Variants in WDFY2 observed in about 807,000 individuals in gnomAD.
WDFY2 encodes WD repeat and FYVE domain containing 2.
WDFY2 carries 36 observed loss-of-function variants against 56.4 expected under a neutral mutation model. The ratio of observed to expected loss-of-function variants is 0.64; its 90% CI spans 0.49 to 0.84. The LOEUF is 0.84. Among genes scored for constraint, WDFY2 ranks in the 40% least tolerant of loss-of-function variants. The pLI is 0.00. For synonymous variants in WDFY2, 176 were observed against 183.7 expected (o/e 0.96, Z 0.34); for missense variants, 444 against 512.2 (o/e 0.87, Z 1.29).
rs536706520 is a variant in WDFY2 at position 51,765,986 on chromosome 13, C to T, written c.*6217C>T. ...TATGATTCTTTTTTCCCTTGGTTCT[C>T]GGGGATGCATGAGAAGGTGAGCTGT... On this transcript the variant is annotated 3_prime_UTR_variant, in exon 12 of 12. Coordinates refer to ENST00000298125, the MANE Select transcript of WDFY2 (RefSeq NM_052950.4). The T allele has an allele frequency of 5.3e-5, 8 of 151,694 alleles. No homozygotes were observed. The highest frequency in any genetic ancestry group is 3.9e-4 in the East Asian group (2 of 5,164). 9.4% of individuals were successfully genotyped at this position (151,694 alleles called of 1,614,324 possible).
chr13:51,708,577 TAATTA>T (rs1438927186), intron 4 of WDFY2, among the ~76,000 whole-genome samples: 1 of 130,936 alleles, frequency 7.6e-6, no homozygotes, highest in Non-Finnish European at 1.8e-5. Context: ...AATTCCCAAT[TAATTA>T]AAAAAAAAAA....
intron 1 of WDFY2, among the ~76,000 whole-genome samples, chr13:51,620,530 T>C (rs1299823441): frequency 1.3e-5 from 2 of 152,074 alleles, no homozygotes; most frequent in African/African-American, 4.8e-5. Flanking sequence ...GAAACCTTTG[T>C]AGTGGCATTA....
intron 3 of WDFY2, among the ~76,000 whole-genome samples, chr13:51,680,640 A>G (rs537003251): frequency 1.1e-4 from 17 of 152,216 alleles, no homozygotes; most frequent in South Asian, 4.1e-4. Flanking sequence ...AGTTTTCTCA[A>G]TGTGAGACAT....
chr13:51,643,829 C>T lies in WDFY2; in HGVS notation c.138-16767C>T, dbSNP rs370445897. ...CTGTATTTATATGACCTTTTAAAAG[C>T]ACTTCCTGTATGCTAAATACTGTAT... On this transcript the variant is annotated intron_variant, in intron 1 of 11. Coordinates refer to ENST00000298125, the MANE Select transcript of WDFY2 (RefSeq NM_052950.4). Among the ~76,000 whole-genome samples, 18 of 152,124 alleles carry T rather than the reference C, an allele frequency of 1.2e-4. No homozygotes were observed. The East Asian group carries it at 2.9e-3, about 24-fold the overall frequency.
chr13:51,756,617 A>G (rs1953391106), intron 10 of WDFY2, 155 bp downstream of exon 10: 83 of 985,098 alleles, frequency 8.4e-5, no homozygotes, highest in Non-Finnish European at 9.9e-5. Flanking sequence ...TTTGCCACCA[A>G]GAGATTTGTG....
chr13:51,650,604 T>C (rs530876306), intron 1 of WDFY2, among the ~76,000 whole-genome samples: 13 of 152,312 alleles, frequency 8.5e-5, no homozygotes, highest in African/African-American at 3.1e-4. Flanking sequence ...ACCTAATTTA[T>C]TGAGAGTTTT....
chr13:51,685,100 T>A (rs1956039639), intron 3 of WDFY2, among the ~76,000 whole-genome samples: 1 of 152,188 alleles, frequency 6.6e-6, no homozygotes, highest in Non-Finnish European at 1.5e-5. Context: ...GATGTTCTCC[T>A]TCACTGACCT....
intron 1 of WDFY2, among the ~76,000 whole-genome samples, chr13:51,637,687 G>A (rs1011763285): frequency 3.3e-5 from 5 of 152,090 alleles, no homozygotes; most frequent in African/African-American, 1.2e-4. Flanking sequence ...AGACAGAGTA[G>A]GGCATTCCTG....
At chr13:51,629,986 C>A (rs1954920895) in intron 1 of WDFY2, among the ~76,000 whole-genome samples, 1 of 152,048 alleles carries the variant, frequency 6.6e-6, no homozygotes, top group Non-Finnish European at 1.5e-5. Context: ...ACTACTTCTT[C>A]TTTGATCTTA....
At chr13:51,746,024 T>G (rs1722536412) in intron 7 of WDFY2, among the ~76,000 whole-genome samples, 1 of 142,834 alleles carries the variant, frequency 7.0e-6, no homozygotes, top group African/African-American at 2.6e-5. Context: ...TCCCCCAGGC[T>G]GGAGTGCAAT....
At chr13:51,681,062 A>C (rs772069199) in intron 3 of WDFY2, among the ~76,000 whole-genome samples, 1 of 152,224 alleles carries the variant, frequency 6.6e-6, no homozygotes, top group African/African-American at 2.4e-5. Context: ...ACCGTGGATT[A>C]TAACGAGCCT....
chr13:51,662,016 G>A (rs1593953751), intron 2 of WDFY2, among the ~76,000 whole-genome samples: 1 of 151,958 alleles, frequency 6.6e-6, no homozygotes, highest in East Asian at 1.9e-4. Context: ...TGTTGCCTAG[G>A]CTGGAGTACA....
chr13:51,748,224 C>T (rs1953148871), intron 7 of WDFY2, among the ~76,000 whole-genome samples: 1 of 152,206 alleles, frequency 6.6e-6, no homozygotes, highest in Non-Finnish European at 1.5e-5. Flanking sequence ...CTCAAGTTAG[C>T]CAACCGTGTT....
chr13:51,702,932 C>A (rs1330098767), intron 3 of WDFY2, among the ~76,000 whole-genome samples: 1 of 152,162 alleles, frequency 6.6e-6, no homozygotes, highest in Non-Finnish European at 1.5e-5. Flanking sequence ...ACTGTATACG[C>A]AGATGCATGG....
Position 51,755,411 on chromosome 13 carries a change from C to G in WDFY2, c.885C>G (p.Phe295Leu). ...GCCAAAAGTGTGATCAGCCTTTCTT[C>G]TGGAACTTCAAGCAAATGTGGGACA... Reference protein sequence around the residue: ...DSCQKCDQPFFWNFKQMWDSK... With the variant: ...DSCQKCDQPFLWNFKQMWDSK... Residue 295 changes from phenylalanine (F) to leucine (L), a missense_variant, in exon 9 of 12, where the codon TTC (phenylalanine) becomes TTG (leucine). Phe to Leu is a conservative substitution (Grantham distance 22, BLOSUM62 0). Coordinates refer to ENST00000298125, the MANE Select transcript of WDFY2 (RefSeq NM_052950.4). The G allele has an allele frequency of 1.2e-6, 2 of 1,614,178 alleles. No homozygotes were observed. Among genetic ancestry groups the G allele is most frequent in the Non-Finnish European group, 1.7e-6 (2 of 1,180,030 alleles).
chr13:51,681,462 C>T (rs1364114531), intron 3 of WDFY2, among the ~76,000 whole-genome samples: 1 of 152,084 alleles, frequency 6.6e-6, no homozygotes, highest in Non-Finnish European at 1.5e-5. Flanking sequence ...GGGGCCTCCT[C>T]CTTTTAAACT....
At chr13:51,756,308 A>C (rs751076419) in intron 9 of WDFY2, 24 bp from the exon 10 acceptor site, 1 of 1,606,120 alleles carries the variant, frequency 6.2e-7, no homozygotes, top group African/African-American at 1.3e-5. Context: ...CGTGATGAGT[A>C]TCTATTTTAT....
At chr13:51,630,532 T>C (rs1954933137) in intron 1 of WDFY2, among the ~76,000 whole-genome samples, 1 of 152,006 alleles carries the variant, frequency 6.6e-6, no homozygotes, top group Non-Finnish European at 1.5e-5. Context: ...TATGCATACT[T>C]TTTGAACAAC....
At chr13:51,730,075 A>G (rs1347121066) in intron 6 of WDFY2, among the ~76,000 whole-genome samples, 1 of 152,206 alleles carries the variant, frequency 6.6e-6, no homozygotes, top group East Asian at 1.9e-4. Context: ...GAGTGGAATC[A>G]TGCAGTATTT....
Sources: allele counts gnomAD v4.1 joint callset (sites outside exome capture counted in the v4.1 genomes callset), GRCh38; gene constraint gnomAD v4.1.1; transcripts MANE v1.5; gene names NCBI Gene and HGNC (gene_info 2026-07-23, HGNC 2026-07-21).